Variants in CNNM3 observed in about 807,000 individuals in gnomAD.
CNNM3 encodes cyclin and CBS domain divalent metal cation transport mediator 3, also known as metal transporter CNNM3.
Under a neutral mutation model 57.1 loss-of-function variants are expected in CNNM3, and 47 were observed. The observed-to-expected ratio is 0.82, with a 90% CI of 0.65 to 1.05. The LOEUF (loss-of-function observed/expected upper bound fraction) is 1.05, where lower values mean the gene tolerates loss of function less well. Ranked by LOEUF, CNNM3 falls within the 50% of genes least tolerant of loss-of-function variation. CNNM3 has a pLI of 0.00. For synonymous variants in CNNM3, 507 were observed against 478.2 expected, an observed-to-expected ratio of 1.06 and a Z score of -0.79; for missense variants, 957 against 973.7, an observed-to-expected ratio of 0.98 and a Z score of 0.23.
rs2079639933 is a variant in CNNM3 at position 96,833,477 on chromosome 2, A to T, written c.*861A>T. The stretch of plus-strand genomic sequence containing the variant: ...CCACACCTCCCCACAGCCTCCCTGC[A>T]GGTGCTGTGTGGCCGTGATGTGCAG... On this transcript the variant is annotated 3_prime_UTR_variant, in exon 8 of 8. Transcript: ENST00000305510. The T allele has an allele frequency of 6.0e-6, 1 of 166,760 alleles. No individual in the cohort carries two copies. Among genetic ancestry groups the T allele is most frequent in the African/African-American group, 2.4e-5 (1 of 41,642 alleles). The allele number at this position is 166,760 out of a possible 1,614,324, so 10.3% of individuals were successfully genotyped here.
intron 6 of CNNM3, 82 bp from the exon 7 acceptor site, chr2:96,828,914 T>C: frequency 6.3e-7 from 1 of 1,580,182 alleles, no homozygotes; most frequent in African/African-American, 1.3e-5. Flanking sequence ...CTCTGTCCTC[T>C]TCGGGCACGG....
intron 1 of CNNM3, among the ~76,000 whole-genome samples, chr2:96,818,193 C>T (rs1391378923): frequency 6.6e-6 from 1 of 152,148 alleles, no homozygotes; most frequent in East Asian, 1.9e-4. Flanking sequence ...TCAAGCAGTT[C>T]TCCTGCCTCA....
rs1355613945 is a variant in CNNM3, at chr2:96,826,941, C to G, written c.1478C>G (p.Ser493Trp). The change falls in exon 3 of 8, where the codon TCG (serine) becomes TGG (tryptophan). Residue 493 changes from serine (S) to tryptophan (W), a missense_variant. Coordinates refer to ENST00000305510, the MANE Select transcript of CNNM3 (RefSeq NM_017623.5). ...GATGATGAATATAAAGTAACAATCTCGCCTCAGCTGCTCTTGGCCACCCAG... is the reference window on the plus strand; with the variant it reads ...GATGATGAATATAAAGTAACAATCTGGCCTCAGCTGCTCTTGGCCACCCAG... ...VSDDEYKVTI[S>W]PQLLLATQRF... 6.2e-7 allele frequency: 1 copy of G among 1,614,200 alleles called. No homozygotes were observed. The highest frequency in any genetic ancestry group is 8.5e-7 in the Non-Finnish European group (1 of 1,180,036).
chr2:96,816,409 G>GGGCGCGGGTTGGGTACGCGGAGGGGC lies in CNNM3; in HGVS notation c.141_166dup (p.Asp56ValfsTer110). ...TCTGCCTGGAGGAGGATGGAGCGGC[G>GGGCGCGGGTTGGGTACGCGGAGGGGC]GGCGCGGGTTGGGTACGCGGAGGGG... On this transcript the variant is annotated frameshift_variant, in exon 1 of 8. Coordinates refer to ENST00000305510, the MANE Select transcript of CNNM3 (RefSeq NM_017623.5). LOFTEE classifies it high-confidence loss of function. 7.3e-7 allele frequency: 1 copy of GGGCGCGGGTTGGGTACGCGGAGGGGC among 1,373,894 alleles called. No individual in the cohort carries two copies. Among genetic ancestry groups the GGGCGCGGGTTGGGTACGCGGAGGGGC allele is most frequent in the African/African-American group, 1.5e-5 (1 of 65,822 alleles). The allele number at this position is 1,373,894 out of a possible 1,614,324, so 85.1% of individuals were successfully genotyped here.
At chr2:96,829,578 G>A (rs2079567341) in intron 7 of CNNM3, among the ~76,000 whole-genome samples, 1 of 150,716 alleles carries the variant, frequency 6.6e-6, no homozygotes, top group African/African-American at 2.5e-5. Flanking sequence ...TGGGATTACA[G>A]GCATGAACCA....
At chr2:96,829,181 C>T (rs749740500) in intron 7 of CNNM3, 47 bp downstream of exon 7, 11 of 1,594,736 alleles carry the variant, frequency 6.9e-6, no homozygotes, top group South Asian at 2.2e-5. Context: ...ACCTGAGGGC[C>T]GTGAGCTCAC....
chr2:96,817,371 T>C lies in CNNM3; in HGVS notation c.1094T>C (p.Leu365Pro), dbSNP rs2079339938. 6.2e-7 allele frequency: 1 copy of C among 1,614,046 alleles called. No individual in the cohort carries two copies. Among genetic ancestry groups the C allele is most frequent in the Non-Finnish European group, 8.5e-7 (1 of 1,180,034 alleles). ...TCCAACATCGTGGACATGCTCTACC[T>C]CAAGGACTTGGCCTTCGTGGATCCC... ...ERSNIVDMLY[L>P]KDLAFVDPED... Residue 365 changes from leucine to proline, a missense_variant, in exon 1 of 8, where the codon CTC (leucine) becomes CCC (proline). Coordinates refer to ENST00000305510, the MANE Select transcript of CNNM3 (RefSeq NM_017623.5).
intron 1 of CNNM3, among the ~76,000 whole-genome samples, chr2:96,818,921 G>A (rs2079365812): frequency 2.0e-5 from 3 of 152,214 alleles, no homozygotes; most frequent in Non-Finnish European, 2.9e-5. Flanking sequence ...GAGAGCCCCT[G>A]GCCTGTCGTT....
At position 96,817,181 on chromosome 2, in the gene CNNM3, A is replaced by G. The variant is rs891280907; in HGVS notation, c.904A>G (p.Ser302Gly). 6.4e-6 allele frequency: 10 copies of G among 1,555,618 alleles called. No individual in the cohort carries two copies. The African/African-American group carries it at 1.4e-4, about 21-fold the overall frequency. Residue 302 changes from serine to glycine, a missense_variant, in exon 1 of 8, where the codon AGC (serine) becomes GGC (glycine). Coordinates refer to ENST00000305510, the MANE Select transcript of CNNM3 (RefSeq NM_017623.5). ...ELARGGGDPY[S>G]DLSKGVLRCR... ...GGCGCGCGGCGGCGGCGACCCCTAC[A>G]GCGATCTCAGCAAGGGCGTGCTGCG... is the stretch of plus-strand genomic sequence containing the variant.
chr2:96,835,689 G>C (rs1015607696), downstream of CNNM3, among the ~76,000 whole-genome samples: 18 of 151,992 alleles, frequency 1.2e-4, no homozygotes, highest in African/African-American at 3.1e-4. Context: ...GGATGGTCTC[G>C]ATCTCCTGAC....
At chr2:96,822,250 G>A (rs1349349372) in intron 1 of CNNM3, among the ~76,000 whole-genome samples, 5 of 152,022 alleles carry the variant, frequency 3.3e-5, no homozygotes, top group Admixed American at 6.5e-5. Flanking sequence ...TGATCCGCCC[G>A]TCTCGGCCTC....
In CNNM3 at chr2:96,817,103, C is replaced by G. The variant is rs920011811; in HGVS notation, c.826C>G (p.Leu276Val). 4.5e-6 allele frequency: 6 copies of G among 1,340,282 alleles called. No individual in the cohort carries two copies. In the Admixed American group the frequency reaches 1.6e-4, roughly 37 times the overall value. The allele number at this position is 1,340,282 out of a possible 1,614,324, so 83.0% of individuals were successfully genotyped here. ...GCCCGTCGCGCTGCCCGTGGGGCAG[C>G]TGCTGGAGCTGGCGGCGCGGCCCGG... Reference protein sequence around the residue: ...TLPVALPVGQLLELAARPGRL... With the variant: ...TLPVALPVGQVLELAARPGRL... Residue 276 changes from leucine to valine, a missense_variant, in exon 1 of 8, where the codon CTG (leucine) becomes GTG (valine). Coordinates refer to ENST00000305510, the MANE Select transcript of CNNM3 (RefSeq NM_017623.5).
At chr2:96,826,059 C>T (rs1042975478) in intron 2 of CNNM3, among the ~76,000 whole-genome samples, 7 of 152,134 alleles carry the variant, frequency 4.6e-5, no homozygotes, top group South Asian at 2.1e-4. Flanking sequence ...AATCATGCGT[C>T]GATTTTCAAA....
rs968604223 is a variant in CNNM3, at chr2:96,816,769, C to A, written c.492C>A (p.Ala164=). 1 of 1,020,162 alleles carries A rather than the reference C, an allele frequency of 9.8e-7. No individual in the cohort carries two copies. Among genetic ancestry groups the A allele is most frequent in the Non-Finnish European group, 1.2e-6 (1 of 855,104 alleles). The allele number at this position is 1,020,162 out of a possible 1,614,324, so 63.2% of individuals were successfully genotyped here. Residue 164 remains alanine, a synonymous_variant, in exon 1 of 8, where the codon GCC becomes GCA. Coordinates refer to ENST00000305510, the MANE Select transcript of CNNM3 (RefSeq NM_017623.5). Reference sequence around the variant, plus strand: ...TGAGCGCGCTGGCGCTGGCGCCTGCCGAGGTGCAGGTGCTGCGCGAGAGCG... The same window carrying A: ...TGAGCGCGCTGGCGCTGGCGCCTGCAGAGGTGCAGGTGCTGCGCGAGAGCG... ...LQLSALALAP[A]EVQVLRESGS...
intron 3 of CNNM3, 144 bp from the exon 4 acceptor site, chr2:96,827,587 T>G: frequency 1.4e-6 from 1 of 697,742 alleles, no homozygotes; most frequent in African/African-American, 1.8e-5. Flanking sequence ...TTCTCTTGTG[T>G]TGAGGTGTTA....
At chr2:96,824,300 A>G (rs2079457283) in intron 1 of CNNM3, among the ~76,000 whole-genome samples, 1 of 152,222 alleles carries the variant, frequency 6.6e-6, no homozygotes, top group Non-Finnish European at 1.5e-5. Flanking sequence ...GGTAAGGTGG[A>G]AAATCTCAGC....
At chr2:96,827,698 G>A in intron 3 of CNNM3, 33 bp from the exon 4 acceptor site, 3 of 1,598,516 alleles carry the variant, frequency 1.9e-6, no homozygotes, top group Non-Finnish European at 2.6e-6. Context: ...CTAGGCCCCA[G>A]TGGACACTGT....
At chr2:96,822,596 C>T (rs1164042848) in intron 1 of CNNM3, among the ~76,000 whole-genome samples, 1 of 152,206 alleles carries the variant, frequency 6.6e-6, no homozygotes, top group Non-Finnish European at 1.5e-5. Context: ...AGGTGTTTCC[C>T]ACTGTGCCTG....
chr2:96,817,204 G>C lies in CNNM3; in HGVS notation c.927G>C (p.Leu309=). The change falls in exon 1 of 8, where the codon CTG becomes CTC. Residue 309 remains leucine (L), a synonymous_variant. Transcript: ENST00000305510. ...DPYSDLSKGV[L]RCRTVEDVLT... ...ACAGCGATCTCAGCAAGGGCGTGCTGCGCTGCCGGACCGTGGAGGACGTGC... is the reference window on the plus strand; with the variant it reads ...ACAGCGATCTCAGCAAGGGCGTGCTCCGCTGCCGGACCGTGGAGGACGTGC... 6.3e-7 allele frequency: 1 copy of C among 1,591,606 alleles called. No homozygotes were observed.
Sources: gnomAD v4.1 joint callset for allele counts (sites outside exome capture counted in the v4.1 genomes callset) on GRCh38, gnomAD v4.1.1 for gene constraint, MANE v1.5 for transcripts, NCBI Gene and HGNC (gene_info 2026-07-23, HGNC 2026-07-21) for gene names.